Variants in NAPRT observed in about 807,000 individuals in gnomAD.
NAPRT encodes nicotinate phosphoribosyltransferase.
NAPRT carries 66 observed loss-of-function variants against 60.7 expected under a neutral mutation model. The ratio of observed to expected loss-of-function variants is 1.09; its 90% confidence interval spans 0.89 to 1.33. The LOEUF (loss-of-function observed/expected upper bound fraction) is 1.33, where lower values mean the gene tolerates loss of function less well. NAPRT is among the 40% of genes most tolerant of loss of function. NAPRT has a pLI of 0.00. For missense variants in NAPRT, 818 were observed against 731.5 expected (o/e 1.12, Z -1.36); for synonymous variants, 405 against 335.7 (o/e 1.21, Z -2.26).
In NAPRT at chr8:143,578,221, C is replaced by T. The variant is rs1454091173; in HGVS notation, c.98G>A (p.Gly33Asp). The change falls in exon 1 of 13, where the codon GGC becomes GAC. Residue 33 changes from glycine (G) to aspartate (D), a missense_variant. Coordinates refer to ENST00000449291, the MANE Select transcript of NAPRT (RefSeq NM_145201.6). ...ATMALGYWRAGRARDAAEFEL... is the reference protein window; with the variant it reads ...ATMALGYWRADRARDAAEFEL... ...GAACTCGGCGGCGTCCCGCGCCCGGCCCGCGCGCCAATAGCCCAACGCCAT... is the reference window on the plus strand; with the variant it reads ...GAACTCGGCGGCGTCCCGCGCCCGGTCCGCGCGCCAATAGCCCAACGCCAT... 2 of 1,503,710 alleles carry T rather than the reference C, an allele frequency of 1.3e-6. No individual in the cohort carries two copies. Among genetic ancestry groups the T allele is most frequent in the Non-Finnish European group, 1.8e-6 (2 of 1,131,406 alleles). 93.1% of individuals were successfully genotyped at this position (1,503,710 alleles called of 1,614,324 possible). A position where few individuals can be genotyped will look rare whatever the true frequency, so the allele number is the denominator to read the frequency against.
Position 143,574,806 on chromosome 8 carries a change from C to T in NAPRT, c.*32G>A. 5.8e-6 allele frequency: 9 copies of T among 1,550,156 alleles called. No homozygotes were observed. Among genetic ancestry groups the T allele is most frequent in the Admixed American group, 3.9e-5 (2 of 51,002 alleles). On this transcript the variant is annotated 3_prime_UTR_variant, in exon 13 of 13. Transcript: ENST00000449291. ...AAGCTGTGGGGAAAAGTGAGTGATT[C>T]GTGTTGTTTCCAGTCAGCCCCGCTC...
At chr8:143,575,568 C>T in intron 9 of NAPRT, 43 bp from the exon 10 acceptor site, 1 of 1,593,000 alleles carries the variant, frequency 6.3e-7, no homozygotes, top group Middle Eastern at 1.8e-4. Flanking sequence ...TTATCCCCCA[C>T]CCAGCACCAT....
At position 143,577,092 on chromosome 8, in the gene NAPRT, G is replaced by C. The variant is rs143522821; in HGVS notation, c.654C>G (p.Ser218=). 296 of 1,612,948 alleles carry C rather than the reference G, an allele frequency of 1.8e-4. No individual in the cohort carries two copies. The highest frequency in any genetic ancestry group is 2.1e-4 in the Non-Finnish European group (252 of 1,179,962). The change falls in exon 5 of 13, where the codon TCC becomes TCG. Residue 218 remains serine, a synonymous_variant. Coordinates refer to ENST00000449291, the MANE Select transcript of NAPRT (RefSeq NM_145201.6). ...AGTLAHSFVT[S]FSGSEVPPDP... is the part of the protein sequence containing the mutation. ...CAGGGGGCACCTCGCTGCCTGAAAA[G>C]GAAGTGACGAAGGAGTGGGCCAGGG...
chr8:143,576,376 C>T, intron 7 of NAPRT, 56 bp downstream of exon 7: 1 of 1,561,498 alleles, frequency 6.4e-7, no homozygotes, highest in Non-Finnish European at 8.7e-7. Context: ...CTTCCCTGCC[C>T]ATTCCCAAAC....
intron 8 of NAPRT, 80 bp from the exon 9 acceptor site, chr8:143,575,782 GGTGGC>G (rs1453303914): frequency 1.2e-3 from 816 of 691,988 alleles, no homozygotes; most frequent in Non-Finnish European, 1.3e-3. Flanking sequence ...TGGGGAAGGA[GGTGGC>G]ACTGCCCTGG....
chr8:143,572,934 G>C (rs758382205), downstream of NAPRT: 1 of 532,890 alleles, frequency 1.9e-6, no homozygotes, highest in Non-Finnish European at 3.2e-6. Flanking sequence ...CAGCCTGAGT[G>C]CCTGTGGTGT....
At position 143,578,142 on chromosome 8, in the gene NAPRT, G is replaced by A. The variant is rs577201293; in HGVS notation, c.177C>T (p.Gly59=). 12 of 1,523,692 alleles carry A rather than the reference G, an allele frequency of 7.9e-6. No individual in the cohort carries two copies. The East Asian group carries it at 2.0e-4, about 26-fold the overall frequency. The allele number at this position is 1,523,692 out of a possible 1,614,324, so 94.4% of individuals were successfully genotyped here. A position where few individuals can be genotyped will look rare whatever the true frequency, so the allele number is the denominator to read the frequency against. ...PFGGAFALAA[G]LRDCVRFLRA... ...GCAGGAAGCGCACACAGTCGCGCAA[G>A]CCGGCGGCCAAGGCGAAGGCGCCGC... The change falls in exon 1 of 13, where the codon GGC becomes GGT. Residue 59 remains glycine, a synonymous_variant. Transcript: ENST00000449291.
Position 143,577,725 on chromosome 8 carries a change from C to CT in NAPRT, c.368dup (p.Val124GlyfsTer104). The CT allele has an allele frequency of 6.5e-7, 1 of 1,548,814 alleles. No individual in the cohort carries two copies. The highest frequency in any genetic ancestry group is 1.9e-5 in the Admixed American group (1 of 51,618). ...GCACCACCAGGAGCGGCCCGGACAC[C>CT]TGCAGGAGCGGCACCTGCGGGGAGA... On this transcript the variant is annotated frameshift_variant, in exon 3 of 13. Coordinates refer to ENST00000449291, the MANE Select transcript of NAPRT (RefSeq NM_145201.6). LOFTEE classifies it high-confidence loss of function.
At position 143,575,065 on chromosome 8, in the gene NAPRT, T is replaced by G. The variant is rs752514281; in HGVS notation, c.1475A>C (p.Glu492Ala). The change falls in exon 12 of 13, where the codon GAG becomes GCG. Residue 492 changes from glutamate (E) to alanine (A), a missense_variant. Coordinates refer to ENST00000449291, the MANE Select transcript of NAPRT (RefSeq NM_145201.6). ...GGACAGCTGGGCCAAGGCTCTAGAC[T>G]CTGCCAGGGATGGGAGCGGCTCACA... ...QLCEPLPSLA[E>A]SRALAQLSLS... 44 of 1,508,192 alleles carry G rather than the reference T, an allele frequency of 2.9e-5. No homozygotes were observed. Among genetic ancestry groups the G allele is most frequent in the Non-Finnish European group, 3.8e-5 (43 of 1,123,450 alleles). The allele number at this position is 1,508,192 out of a possible 1,614,324, so 93.4% of individuals were successfully genotyped here. A position where few individuals can be genotyped will look rare whatever the true frequency, so the allele number is the denominator to read the frequency against.
chr8:143,577,792 C>T, intron 2 of NAPRT, 24 bp downstream of exon 2: 1 of 1,587,724 alleles, frequency 6.3e-7, no homozygotes, highest in South Asian at 1.1e-5. Context: ...GTGGCCGCCG[C>T]GCCGCCCGCT....
Position 143,576,420 on chromosome 8 carries a change from C to A in NAPRT, c.1022+12G>T. 6.3e-7 allele frequency: 1 copy of A among 1,593,916 alleles called. No homozygotes were observed. The highest frequency in any genetic ancestry group is 1.1e-5 in the South Asian group (1 of 89,146). On this transcript the variant is annotated intron_variant, in intron 7 of 12. Transcript: ENST00000449291. ...TCTCCCACCAGGCACACCTCCTCCC[C>A]GGGAAACTCACTGGGCTGCAGCAGC...
intron 8 of NAPRT, among the ~76,000 whole-genome samples, 171 bp downstream of exon 8, chr8:143,575,880 TGAAGGGGGTGGCAGTGCCCTGGGTGGG>T (rs1824417984): frequency 6.2e-5 from 3 of 48,600 alleles, no homozygotes; most frequent in African/African-American, 9.4e-5. Flanking sequence ...CTGCCCTGGG[TGAAGGGGGTGGCAGTGCCCTGGGTGGG>T]GAAGGGGGTG....
At position 143,578,125 on chromosome 8, in the gene NAPRT, C is replaced by A; in HGVS notation, c.194G>T (p.Arg65Leu). ...ALAAGLRDCV[R>L]FLRAFRLRDA... ...CCGCAGGCGGAAGGCGCGCAGGAAGCGCACACAGTCGCGCAAGCCGGCGGC... is the reference window on the plus strand; with the variant it reads ...CCGCAGGCGGAAGGCGCGCAGGAAGAGCACACAGTCGCGCAAGCCGGCGGC... The change falls in exon 1 of 13, where the codon CGC (arginine) becomes CTC (leucine). Residue 65 changes from arginine to leucine, a missense_variant. Coordinates refer to ENST00000449291, the MANE Select transcript of NAPRT (RefSeq NM_145201.6). 1.3e-6 allele frequency: 2 copies of A among 1,525,074 alleles called. No individual in the cohort carries two copies. Among genetic ancestry groups the A allele is most frequent in the Non-Finnish European group, 1.7e-6 (2 of 1,142,898 alleles). The allele number at this position is 1,525,074 out of a possible 1,614,324, so 94.5% of individuals were successfully genotyped here.
Position 143,576,672 on chromosome 8 carries a change from G to A in NAPRT, c.855C>T (p.Gly285=), listed in dbSNP as rs754376971. 4 of 1,611,202 alleles carry A rather than the reference G, an allele frequency of 2.5e-6. No homozygotes were observed. Among genetic ancestry groups the A allele is most frequent in the Non-Finnish European group, 2.5e-6 (3 of 1,179,398 alleles). Reference sequence around the variant, plus strand: ...TCCACACGCTGTAGGTGTCCAGGAGGCCCTGGAAGGCCCGGGGAAAAGCCA... The same window carrying A: ...TCCACACGCTGTAGGTGTCCAGGAGACCCTGGAAGGCCCGGGGAAAAGCCA... ...YALAFPRAFQ[G]LLDTYSVWRS... is the part of the protein sequence containing the mutation. The change falls in exon 6 of 13, where the codon GGC becomes GGT. Residue 285 remains glycine, a synonymous_variant. Coordinates refer to ENST00000449291, the MANE Select transcript of NAPRT (RefSeq NM_145201.6).
chr8:143,573,156 G>A (rs1377048430), downstream of NAPRT, among the ~76,000 whole-genome samples: 2 of 152,110 alleles, frequency 1.3e-5, no homozygotes, highest in Non-Finnish European at 2.9e-5. Context: ...GCAGCAGTCA[G>A]CTCCCCACTG....
At chr8:143,574,929 G>A in intron 12 of NAPRT, 29 bp from the exon 13 acceptor site, 2 of 1,550,388 alleles carry the variant, frequency 1.3e-6, no homozygotes, top group Non-Finnish European at 1.7e-6. Context: ...AGGAGCGGTG[G>A]GCAGGGTGAG....
Position 143,576,071 on chromosome 8 carries a change from AC to A in NAPRT, c.1107+6del. ...CCACCCTCCGCCTACCCACTCATCC[AC>A]CCCACCTCCTGGGCCAGTCGGGCCA... On this transcript the variant is annotated splice_donor_region_variant and intron_variant, in intron 8 of 12. Transcript: ENST00000449291. 1 of 1,571,594 alleles carries A rather than the reference AC, an allele frequency of 6.4e-7. No individual in the cohort carries two copies. The highest frequency in any genetic ancestry group is 8.7e-7 in the Non-Finnish European group (1 of 1,155,576).
Position 143,574,881 on chromosome 8 carries a change from A to G in NAPRT, c.1574T>C (p.Leu525Pro). 1 of 1,550,676 alleles carries G rather than the reference A, an allele frequency of 6.4e-7. No homozygotes were observed. ...ACACAGACTGTTCACCAGGGCCTGC[A>G]GCCTCTCGGACAGCACCACCTGCAG... ...AQYQVVLSER[L>P]QALVNSLCAG... is the part of the protein sequence containing the mutation. The change falls in exon 13 of 13, where the codon CTG becomes CCG. Residue 525 changes from leucine to proline, a missense_variant. Transcript: ENST00000449291.
At chr8:143,574,749 TG>T (rs762732531), downstream of NAPRT, 76 of 1,498,640 alleles carry the variant, frequency 5.1e-5, 3 homozygotes, top group South Asian at 8.9e-4. Context: ...GCCCGTGGGC[TG>T]GGTGAACAAA....
Sources: gnomAD v4.1 joint callset for allele counts (sites outside exome capture counted in the v4.1 genomes callset) on GRCh38, gnomAD v4.1.1 for gene constraint, MANE v1.5 for transcripts, NCBI Gene and HGNC (gene_info 2026-07-23, HGNC 2026-07-21) for gene names.